ZNF730: variants seen among roughly 807,000 people sequenced by gnomAD.
ZNF730 encodes zinc finger protein 730.
Under a neutral mutation model 12.6 loss-of-function variants are expected in ZNF730, and 12 were observed. That is an observed-to-expected ratio of 0.95 (90% CI 0.61 to 1.54). The LOEUF (loss-of-function observed/expected upper bound fraction) is 1.54. Among genes scored for constraint, ZNF730 ranks in the 40% most tolerant of loss-of-function variants. The pLI is 0.00. For missense variants in ZNF730, 643 were observed against 583.5 expected, an observed-to-expected ratio of 1.10 and a Z score of -1.05; for synonymous variants, 194 against 195.8, an observed-to-expected ratio of 0.99 and a Z score of 0.08.
chr19:23,102,184 G>A (rs1970342887), intron 1 of ZNF730, among the ~76,000 whole-genome samples: 1 of 152,166 alleles, frequency 6.6e-6, no homozygotes, highest in Non-Finnish European at 1.5e-5. Flanking sequence ...GGTACTAGTT[G>A]ATGTGTCTCT....
At chr19:23,113,063 A>G (rs1970476470), upstream of ZNF730, among the ~76,000 whole-genome samples, 1 of 152,208 alleles carries the variant, frequency 6.6e-6, no homozygotes, top group Non-Finnish European at 1.5e-5. Context: ...GTTGTGCTGA[A>G]TCATATAATT....
intron 1 of ZNF730, among the ~76,000 whole-genome samples, chr19:23,088,544 G>C (rs1004230649): frequency 6.6e-6 from 1 of 151,472 alleles, no homozygotes; most frequent in Non-Finnish European, 1.5e-5. Flanking sequence ...TCTCAGTGCA[G>C]CCTCCACCTA....
At position 23,147,081 on chromosome 19, in the gene ZNF730, C is replaced by T; in HGVS notation, c.*525C>T. 1 of 246,524 alleles carries T rather than the reference C, an allele frequency of 4.1e-6. No individual in the cohort carries two copies. The highest frequency in any genetic ancestry group is 7.9e-6 in the Non-Finnish European group (1 of 126,034). 15.3% of individuals were successfully genotyped at this position (246,524 alleles called of 1,614,324 possible). Reference sequence around the variant, plus strand: ...GTAAACAAAGTGGCAAAACTTTTAACCAATGCTCACACTTTATTGCACAGG... The same window carrying T: ...GTAAACAAAGTGGCAAAACTTTTAATCAATGCTCACACTTTATTGCACAGG... On this transcript the variant is annotated 3_prime_UTR_variant, in exon 4 of 4. Coordinates refer to ENST00000597761, the MANE Select transcript of ZNF730 (RefSeq NM_001277403.2).
At chr19:23,134,035 C>T in intron 1 of ZNF730, 45 bp from the exon 2 acceptor site, 1 of 1,607,738 alleles carries the variant, frequency 6.2e-7, no homozygotes, top group Non-Finnish European at 8.5e-7. Context: ...TAAAATTCTG[C>T]CCAGGGGCAC....
chr19:23,079,899 C>T (rs190450510), intron 1 of ZNF730, among the ~76,000 whole-genome samples: 2 of 152,144 alleles, frequency 1.3e-5, no homozygotes, highest in African/African-American at 2.4e-5. Flanking sequence ...GACATAGTAT[C>T]GTAAAGATTT....
chr19:23,120,859 CTG>C (rs1970589972), intron 1 of ZNF730, among the ~76,000 whole-genome samples: 1 of 152,180 alleles, frequency 6.6e-6, no homozygotes, highest in African/African-American at 2.4e-5. Context: ...CCTCTTACCA[CTG>C]TCTTAGCCAT....
intron 1 of ZNF730, among the ~76,000 whole-genome samples, chr19:23,075,553 G>C (rs1969841783): frequency 6.6e-6 from 1 of 152,154 alleles, no homozygotes; most frequent in Non-Finnish European, 1.5e-5. Context: ...CCGCGGCCGG[G>C]ACCCCCAGCG....
At chr19:23,092,160 G>A (rs1053073548) in intron 1 of ZNF730, among the ~76,000 whole-genome samples, 1 of 152,140 alleles carries the variant, frequency 6.6e-6, no homozygotes, top group Non-Finnish European at 1.5e-5. Context: ...TTCTCTTGCT[G>A]CTGTGATATA....
At chr19:23,116,108 G>T (rs531732224), upstream of ZNF730, among the ~76,000 whole-genome samples, 1 of 152,302 alleles carries the variant, frequency 6.6e-6, no homozygotes, top group East Asian at 1.9e-4. Flanking sequence ...GACACTTAGG[G>T]CCAAGGCCAA....
intron 1 of ZNF730, among the ~76,000 whole-genome samples, chr19:23,104,900 G>A (rs1970374793): frequency 6.6e-6 from 1 of 152,108 alleles, no homozygotes; most frequent in Non-Finnish European, 1.5e-5. Flanking sequence ...ACCTTAAAAG[G>A]AAAGGATTAC....
At chr19:23,108,065 T>C (rs1404552525) in intron 1 of ZNF730, among the ~76,000 whole-genome samples, 2 of 152,100 alleles carry the variant, frequency 1.3e-5, no homozygotes, top group African/African-American at 4.8e-5. Context: ...AACAGCAAGG[T>C]TGGTTCAGTG....
chr19:23,078,134 GAC>G (rs1969899523), intron 1 of ZNF730, among the ~76,000 whole-genome samples: 3 of 152,120 alleles, frequency 2.0e-5, no homozygotes, highest in African/African-American at 7.2e-5. Flanking sequence ...GGAAAGACCT[GAC>G]CGTCCCCCAG....
At chr19:23,123,713 C>G (rs1970627876) in intron 1 of ZNF730, 1 of 151,204 alleles carries the variant, frequency 6.6e-6, no homozygotes, top group Non-Finnish European at 1.5e-5. Flanking sequence ...GGGGGACTAT[C>G]TTCTGGCCAA....
intron 1 of ZNF730, among the ~76,000 whole-genome samples, chr19:23,085,980 G>A (rs1970058197): frequency 6.6e-6 from 1 of 151,402 alleles, no homozygotes; most frequent in African/African-American, 2.4e-5. Flanking sequence ...GAGTAGTTGG[G>A]ATTACAGGCG....
At chr19:23,134,477 G>T (rs534319834) in intron 2 of ZNF730, among the ~76,000 whole-genome samples, 1 of 147,720 alleles carries the variant, frequency 6.8e-6, no homozygotes, top group African/African-American at 2.5e-5. Flanking sequence ...GGGAGGTGGG[G>T]GGGCCAGCCC....
At chr19:23,133,842 C>T (rs1288565983) in intron 1 of ZNF730, among the ~76,000 whole-genome samples, 1 of 151,550 alleles carries the variant, frequency 6.6e-6, no homozygotes, top group Non-Finnish European at 1.5e-5. Context: ...CTTACTTCAT[C>T]ATCTGGAAAA....
intron 1 of ZNF730, among the ~76,000 whole-genome samples, chr19:23,096,518 C>G (rs574148996): frequency 2.6e-5 from 4 of 152,312 alleles, no homozygotes; most frequent in Admixed American, 6.5e-5. Flanking sequence ...AGCCCAGCAC[C>G]TAGGTGATGT....
intron 3 of ZNF730, 27 bp from the exon 4 acceptor site, chr19:23,145,244 G>T (rs1970984794): frequency 7.0e-7 from 1 of 1,432,178 alleles, no homozygotes; most frequent in Non-Finnish European, 9.2e-7. Context: ...AGTACATGCA[G>T]TAATTTGTTA....
chr19:23,139,745 G>A (rs1020078539), intron 3 of ZNF730, among the ~76,000 whole-genome samples: 1 of 151,910 alleles, frequency 6.6e-6, no homozygotes, highest in African/African-American at 2.4e-5. Flanking sequence ...GGCTGGTCTC[G>A]AACTCCTGAC....
Sources: allele counts gnomAD v4.1 joint callset (sites outside exome capture counted in the v4.1 genomes callset), GRCh38; gene constraint gnomAD v4.1.1; transcripts MANE v1.5; gene names NCBI Gene and HGNC (gene_info 2026-07-23, HGNC 2026-07-21).